CNN3: variants seen among roughly 807,000 people sequenced by gnomAD.
The protein encoded by CNN3 is calponin-3.
CNN3 carries 11 observed loss-of-function variants against 39.0 expected under a neutral mutation model. The ratio of observed to expected loss-of-function variants is 0.28; its 90% CI spans 0.18 to 0.47. The LOEUF (loss-of-function observed/expected upper bound fraction) is 0.47, where lower values mean the gene tolerates loss of function less well. CNN3 is among the 20% of genes least tolerant of loss of function. The probability of loss-of-function intolerance (pLI) is 0.99; values close to 1 mark genes in which losing one functional copy is unlikely to be tolerated. For synonymous variants in CNN3, 101 were observed against 138.3 expected (o/e 0.73, Z 1.89); for missense variants, 266 against 403.4 (o/e 0.66, Z 2.92).
intron 1 of CNN3, among the ~76,000 whole-genome samples, chr1:94,907,672 A>G (rs368210634): frequency 8.5e-5 from 13 of 152,162 alleles, no homozygotes; most frequent in Non-Finnish European, 1.6e-4. Flanking sequence ...CATCCTGGCT[A>G]ACACGGTGAA....
chr1:94,913,549 C>G (rs992882212), intron 1 of CNN3, among the ~76,000 whole-genome samples: 2 of 152,208 alleles, frequency 1.3e-5, no homozygotes, highest in Non-Finnish European at 1.5e-5. Context: ...ATACTATGAT[C>G]AATTCTGAGT....
chr1:94,925,889 CCT>C (rs1671563616), intron 1 of CNN3: 35 of 902,816 alleles, frequency 3.9e-5, no homozygotes, highest in Non-Finnish European at 4.0e-5. Context: ...CCCAGAAACC[CCT>C]GATGTCATGG....
In CNN3 at chr1:94,897,689, G is replaced by C. The variant is rs1033620439; in HGVS notation, c.*53C>G. The stretch of plus-strand genomic sequence containing the variant: ...ATAAAAATTACTCAAGGCTAGCTTG[G>C]TTCTCACTGAATAAAAACAAAGGAC... On this transcript the variant is annotated 3_prime_UTR_variant, in exon 7 of 7. Coordinates refer to ENST00000370206, the MANE Select transcript of CNN3 (RefSeq NM_001839.5). 1 of 1,498,290 alleles carries C rather than the reference G, an allele frequency of 6.7e-7. No homozygotes were observed. The highest frequency in any genetic ancestry group is 1.2e-5 in the South Asian group (1 of 81,426). 92.8% of individuals were successfully genotyped at this position (1,498,290 alleles called of 1,614,324 possible). A position where few individuals can be genotyped will look rare whatever the true frequency, so the allele number is the denominator to read the frequency against.
At chr1:94,920,447 A>G (rs1013772737) in intron 1 of CNN3, among the ~76,000 whole-genome samples, 1 of 152,232 alleles carries the variant, frequency 6.6e-6, no homozygotes, top group African/African-American at 2.4e-5. Context: ...TCAGAACACA[A>G]GACTGAGCCT....
rs1232047557 is a variant in CNN3 at position 94,927,049 on chromosome 1, C to G, written c.-155G>C. 3 of 715,124 alleles carry G rather than the reference C, an allele frequency of 4.2e-6. No individual in the cohort carries two copies. The highest frequency in any genetic ancestry group is 6.8e-6 in the Non-Finnish European group (3 of 440,976). The allele number at this position is 715,124 out of a possible 1,614,324, so 44.3% of individuals were successfully genotyped here. The stretch of plus-strand genomic sequence containing the variant: ...GACGGCCGCGGGGCGCGGGCGGTGC[C>G]TGGGCGACTGGGTCCAACTGGGTGC... On this transcript the variant is annotated 5_prime_UTR_variant, in exon 1 of 7. Transcript: ENST00000370206.
At chr1:94,909,742 A>G (rs1671107744) in intron 1 of CNN3, among the ~76,000 whole-genome samples, 1 of 152,042 alleles carries the variant, frequency 6.6e-6, no homozygotes, top group African/African-American at 2.4e-5. Flanking sequence ...TCAGAAAGGG[A>G]GAAAGAGTAA....
intron 3 of CNN3, 31 bp from the exon 4 acceptor site, chr1:94,902,289 G>T: frequency 6.3e-7 from 1 of 1,577,452 alleles, no homozygotes; most frequent in Non-Finnish European, 8.7e-7. Context: ...ATAATTTCTG[G>T]AGCTAAATAT....
chr1:94,899,079 G>A (rs977989642), intron 6 of CNN3, among the ~76,000 whole-genome samples: 6 of 151,778 alleles, frequency 4.0e-5, no homozygotes, highest in Non-Finnish European at 7.4e-5. Flanking sequence ...GCATTTAAAT[G>A]AGCAATATTT....
chr1:94,902,207 G>T lies in CNN3; in HGVS notation c.298C>A (p.Pro100Thr). 6.2e-7 allele frequency: 1 copy of T among 1,613,070 alleles called. No individual in the cohort carries two copies. Among genetic ancestry groups the T allele is most frequent in the Non-Finnish European group, 8.5e-7 (1 of 1,179,034 alleles). The change falls in exon 4 of 7, where the codon CCA becomes ACA. Residue 100 changes from proline to threonine, a missense_variant. Physicochemically the swap from Pro to Thr is conservative, Grantham distance 38. Transcript: ENST00000370206. ...TCATTTGCTTCGAATATGTCATGTGGCTTCATACCATAAGCCTGAATAGCT... is the reference window on the plus strand; with the variant it reads ...TCATTTGCTTCGAATATGTCATGTGTCTTCATACCATAAGCCTGAATAGCT... ...IKAIQAYGMK[P>T]HDIFEANDLF...
intron 1 of CNN3, chr1:94,924,504 T>A (rs1305329486): frequency 6.6e-6 from 1 of 152,400 alleles, no homozygotes; most frequent in African/African-American, 2.4e-5. Flanking sequence ...GCACCTGTAA[T>A]CCCAGCTACT....
At chr1:94,912,150 C>T (rs1417794933) in intron 1 of CNN3, among the ~76,000 whole-genome samples, 1 of 152,114 alleles carries the variant, frequency 6.6e-6, no homozygotes, top group African/African-American at 2.4e-5. Flanking sequence ...TAGAAAGATG[C>T]AGAGCTAACA....
At chr1:94,922,705 A>G (rs1197520972) in intron 1 of CNN3, among the ~76,000 whole-genome samples, 1 of 152,190 alleles carries the variant, frequency 6.6e-6, no homozygotes, top group Non-Finnish European at 1.5e-5. Flanking sequence ...GATCAGAAGT[A>G]CCCTCAGAGC....
intron 1 of CNN3, among the ~76,000 whole-genome samples, chr1:94,918,920 T>C (rs994542784): frequency 1.3e-5 from 2 of 151,268 alleles, no homozygotes; most frequent in Admixed American, 6.6e-5. Flanking sequence ...TCATAAGATA[T>C]TTGGCAGAGC....
intron 1 of CNN3, among the ~76,000 whole-genome samples, chr1:94,919,360 C>T (rs1363772064): frequency 1.3e-5 from 2 of 152,166 alleles, no homozygotes; most frequent in Non-Finnish European, 2.9e-5. Context: ...ATAATTTCTA[C>T]ACTCAATTAG....
At chr1:94,899,548 T>C in intron 5 of CNN3, 31 bp from the exon 6 acceptor site, 1 of 1,606,898 alleles carries the variant, frequency 6.2e-7, no homozygotes, top group African/African-American at 1.3e-5. Context: ...TTGCACAAAT[T>C]ATCAGATGTC....
At chr1:94,923,360 C>T (rs1054812575) in intron 1 of CNN3, among the ~76,000 whole-genome samples, 1 of 152,180 alleles carries the variant, frequency 6.6e-6, no homozygotes, top group Admixed American at 6.5e-5. Context: ...ACCATCCCTA[C>T]CAGTGTCTGC....
At position 94,897,803 on chromosome 1, in the gene CNN3, C is replaced by A. The variant is rs116004008; in HGVS notation, c.929G>T (p.Gly310Val). The change falls in exon 7 of 7, where the codon GGC (glycine) becomes GTC (valine). Residue 310 changes from glycine (G) to valine (V), a missense_variant. Physicochemically the swap from Gly to Val is moderately radical, Grantham distance 109. Coordinates refer to ENST00000370206, the MANE Select transcript of CNN3 (RefSeq NM_001839.5). ...TCTGGGGTAGTCATCCTGGTACTCG[C>A]CATGATACTCATCAGGGTATTCTGC... ...YQAEYPDEYH[G>V]EYQDDYPRDY... 6.4e-4 allele frequency: 1,029 copies of A among 1,614,156 alleles called. 4 individuals are homozygous for A. In the African/African-American group the frequency reaches 9.0e-3, roughly 14 times the overall value.
intron 2 of CNN3, 82 bp from the exon 3 acceptor site, chr1:94,903,270 T>C: frequency 1.3e-6 from 2 of 1,570,898 alleles, no homozygotes; most frequent in South Asian, 2.3e-5. Context: ...CCCTTTAGCA[T>C]CAGTAAGGGA....
At position 94,897,608 on chromosome 1, in the gene CNN3, G is replaced by T. The variant is rs1014267359; in HGVS notation, c.*134C>A. On this transcript the variant is annotated 3_prime_UTR_variant, in exon 7 of 7. Transcript: ENST00000370206. The stretch of plus-strand genomic sequence containing the variant: ...GCAGAAAAAGGAAAAAGGAATGTAC[G>T]TAAGGCAATTTTTCTTAAAAGTACA... 1 of 779,186 alleles carries T rather than the reference G, an allele frequency of 1.3e-6. No homozygotes were observed. The highest frequency in any genetic ancestry group is 1.8e-5 in the African/African-American group (1 of 57,008). The allele number at this position is 779,186 out of a possible 1,614,324, so 48.3% of individuals were successfully genotyped here.
Sources: gnomAD v4.1 joint callset for allele counts (sites outside exome capture counted in the v4.1 genomes callset) on GRCh38, gnomAD v4.1.1 for gene constraint, MANE v1.5 for transcripts, NCBI Gene and HGNC (gene_info 2026-07-23, HGNC 2026-07-21) for gene names.